The following MTUS2 variants were observed in gnomAD, a reference collection of about 807,000 sequenced individuals.
MTUS2 encodes microtubule associated scaffold protein 2, also known as microtubule-associated tumor suppressor candidate 2.
Under a neutral mutation model 114.1 loss-of-function variants are expected in MTUS2, and 40 were observed. The ratio of observed to expected loss-of-function variants is 0.35; its 90% confidence interval spans 0.27 to 0.46. MTUS2 has a LOEUF of 0.46. Ranked by LOEUF, MTUS2 falls within the 20% of genes least tolerant of loss-of-function variation. The pLI is 1.00. For missense variants in MTUS2, 1,679 were observed against 1,705.4 expected (o/e 0.98, Z 0.27); for synonymous variants, 688 against 672.0 (o/e 1.02, Z -0.37).
At chr13:29,498,037 A>G (rs1259768154) in intron 13 of MTUS2, among the ~76,000 whole-genome samples, 4 of 152,182 alleles carry the variant, frequency 2.6e-5, no homozygotes, top group Non-Finnish European at 5.9e-5. Context: ...GGTGGGACCT[A>G]TAAGAGTCCC....
At chr13:29,061,884 G>A (rs1888436656) in intron 4 of MTUS2, among the ~76,000 whole-genome samples, 1 of 149,422 alleles carries the variant, frequency 6.7e-6, no homozygotes, top group Non-Finnish European at 1.5e-5. Flanking sequence ...AAGGTTATTA[G>A]CATCAGATAG....
At chr13:29,310,784 G>T (rs1899718838) in intron 6 of MTUS2, among the ~76,000 whole-genome samples, 1 of 152,178 alleles carries the variant, frequency 6.6e-6, no homozygotes, top group Non-Finnish European at 1.5e-5. Flanking sequence ...CAGTGCTGGT[G>T]GGAAAGGAGA....
intron 8 of MTUS2, among the ~76,000 whole-genome samples, chr13:29,404,297 A>G (rs1044012003): frequency 1.6e-4 from 25 of 152,074 alleles, no homozygotes; most frequent in African/African-American, 4.6e-4. Flanking sequence ...GGCTGCAGTG[A>G]TCTGTGATTG....
Position 29,234,516 on chromosome 13 carries a change from A to G in MTUS2, c.2645-47188A>G, listed in dbSNP as rs186931196. On this transcript the variant is annotated intron_variant, in intron 5 of 15. Transcript: ENST00000612955. ...TTTCTACCATTATTTAGGTAAAGCT[A>G]TCTTTTATTTAAAAAATTATTTTGA... is the stretch of plus-strand genomic sequence containing the variant. 1.6e-3 allele frequency among the ~76,000 whole-genome samples: 250 copies of G among 152,310 alleles called. 2 individuals carry two copies. Among genetic ancestry groups the G allele is most frequent in the African/African-American group, 5.6e-3 (231 of 41,564 alleles).
intron 2 of MTUS2, among the ~76,000 whole-genome samples, chr13:28,963,383 AAT>A (rs746776979): frequency 2.0e-5 from 3 of 152,180 alleles, no homozygotes; most frequent in Non-Finnish European, 2.9e-5. Context: ...CAAAAAAAGA[AAT>A]AGAGTATCTG....
At chr13:29,105,939 A>T (rs1296946857) in intron 5 of MTUS2, among the ~76,000 whole-genome samples, 1 of 152,038 alleles carries the variant, frequency 6.6e-6, no homozygotes, top group Non-Finnish European at 1.5e-5. Flanking sequence ...AAACTTCCTG[A>T]ATCTGAGGAG....
At chr13:29,136,518 G>C (rs1007884644) in intron 5 of MTUS2, among the ~76,000 whole-genome samples, 4 of 152,162 alleles carry the variant, frequency 2.6e-5, no homozygotes, top group African/African-American at 9.7e-5. Context: ...CAGGGGAGAA[G>C]GGCCAAAGGT....
At position 29,498,479 on chromosome 13, in the gene MTUS2, A is replaced by G; in HGVS notation, c.3740A>G (p.Glu1247Gly). The G allele has an allele frequency of 1.9e-6, 3 of 1,614,228 alleles. 1 individual carries two copies. The South Asian group carries it at 3.3e-5, about 18-fold the overall frequency. ...EDMKSLKQVLEMKNQQIHEQE... is the reference protein window; with the variant it reads ...EDMKSLKQVLGMKNQQIHEQE... ...ATGAAGAGTCTGAAGCAGGTATTAG[A>G]AATGAAGAATCAGCAAATACACGAG... The change falls in exon 14 of 16, where the codon GAA (glutamate) becomes GGA (glycine). Residue 1247 changes from glutamate (E) to glycine (G), a missense_variant. Glu to Gly is a moderately conservative substitution (Grantham distance 98). Transcript: ENST00000612955.
intron 2 of MTUS2, among the ~76,000 whole-genome samples, chr13:28,843,099 C>T (rs527553271): frequency 1.3e-5 from 2 of 152,298 alleles, no homozygotes; most frequent in South Asian, 4.1e-4. Context: ...CAGCCTGTCT[C>T]ATCCCCCAGA....
chr13:29,146,970 GAAAC>G (rs1892461639), intron 5 of MTUS2, among the ~76,000 whole-genome samples: 1 of 152,188 alleles, frequency 6.6e-6, no homozygotes, highest in African/African-American at 2.4e-5. Flanking sequence ...CAGGATGAAA[GAAAC>G]AATGAGATAT....
Position 29,281,730 on chromosome 13 carries a change from C to T in MTUS2, c.2671C>T (p.Pro891Ser). The T allele has an allele frequency of 6.2e-7, 1 of 1,610,170 alleles. No individual in the cohort carries two copies. The highest frequency in any genetic ancestry group is 1.7e-4 in the Middle Eastern group (1 of 6,056). ...TTCAACCTTTGGGAATGAAGAACAG[C>T]CAGTTCTGAAGGCATCTCTGCCTTC... ...TRSTFGNEEQ[P>S]VLKASLPSKD... Residue 891 changes from proline to serine, a missense_variant, in exon 6 of 16, where the codon CCA becomes TCA. By Grantham distance (74) the Pro-to-Ser change is moderately conservative. Coordinates refer to ENST00000612955, the MANE Select transcript of MTUS2 (RefSeq NM_001033602.4).
intron 12 of MTUS2, among the ~76,000 whole-genome samples, chr13:29,494,351 C>A (rs1454843277): frequency 6.6e-6 from 1 of 152,188 alleles, no homozygotes; most frequent in African/African-American, 2.4e-5. Context: ...AAGAAGCCAG[C>A]CCAAGTTAGT....
chr13:29,170,250 G>C (rs948616932), intron 5 of MTUS2, among the ~76,000 whole-genome samples: 11 of 152,194 alleles, frequency 7.2e-5, no homozygotes, highest in African/African-American at 2.4e-4. Flanking sequence ...GCTTTGCTTA[G>C]TGAGAGGAAG....
intron 2 of MTUS2, among the ~76,000 whole-genome samples, chr13:28,890,738 G>A (rs771680390): frequency 6.6e-6 from 1 of 152,108 alleles, no homozygotes; most frequent in Non-Finnish European, 1.5e-5. Context: ...TTTTATTAAT[G>A]GAGTATGTAT....
At chr13:29,000,821 G>T (rs1266923938) in intron 2 of MTUS2, among the ~76,000 whole-genome samples, 1 of 152,114 alleles carries the variant, frequency 6.6e-6, no homozygotes, top group Non-Finnish European at 1.5e-5. Context: ...CTTTCCGTCT[G>T]CTGCCATTGT....
intron 8 of MTUS2, among the ~76,000 whole-genome samples, chr13:29,359,879 C>T (rs551084756): frequency 7.2e-5 from 11 of 152,300 alleles, no homozygotes; most frequent in African/African-American, 1.9e-4. Context: ...GCCCCAGTAC[C>T]GTTCACGTCG....
intron 6 of MTUS2, chr13:29,307,664 A>G (rs769492251): frequency 2.5e-5 from 28 of 1,128,964 alleles, no homozygotes; most frequent in Non-Finnish European, 3.0e-5. Flanking sequence ...TCCACCTTCG[A>G]CGCTGGGGCT....
At chr13:29,090,095 T>G (rs1272499798) in intron 4 of MTUS2, among the ~76,000 whole-genome samples, 3 of 152,198 alleles carry the variant, frequency 2.0e-5, no homozygotes, top group Non-Finnish European at 4.4e-5. Context: ...TGCTGTTTTT[T>G]GGGTGAAACT....
intron 8 of MTUS2, among the ~76,000 whole-genome samples, chr13:29,360,522 A>C (rs9508406): frequency 6.6e-6 from 1 of 151,952 alleles, no homozygotes; most frequent in Non-Finnish European, 1.5e-5. Flanking sequence ...AAATGACAAG[A>C]TGAGTAGACA....
Sources: gnomAD v4.1 joint callset for allele counts (sites outside exome capture counted in the v4.1 genomes callset) on GRCh38, gnomAD v4.1.1 for gene constraint, MANE v1.5 for transcripts, NCBI Gene and HGNC (gene_info 2026-07-23, HGNC 2026-07-21) for gene names.